Variants in KIRREL3 observed in about 807,000 individuals in gnomAD.
KIRREL3 encodes the protein kirre like nephrin family adhesion molecule 3.
In KIRREL3, 36 loss-of-function variants were observed where a neutral mutation model predicts 89.7. The observed-to-expected ratio is 0.40, with a 90% confidence interval of 0.31 to 0.53. The LOEUF (loss-of-function observed/expected upper bound fraction) is 0.53, where lower values mean the gene tolerates loss of function less well. KIRREL3 is among the 20% of genes least tolerant of loss of function. KIRREL3 has a pLI of 0.49. For synonymous variants in KIRREL3, 445 were observed against 441.4 expected (o/e 1.01, Z -0.10); for missense variants, 864 against 1,056.6 (o/e 0.82, Z 2.53).
intron 1 of KIRREL3, among the ~76,000 whole-genome samples, chr11:126,577,850 G>A (rs1941341009): frequency 6.6e-6 from 1 of 152,056 alleles, no homozygotes; most frequent in Non-Finnish European, 1.5e-5. Flanking sequence ...GAGAAGCTGT[G>A]TGAAACTGCC....
chr11:126,958,503 G>A lies in KIRREL3; in HGVS notation c.55+41952C>T, dbSNP rs1410847366. On this transcript the variant is annotated intron_variant, in intron 1 of 16. Coordinates refer to ENST00000525144, the MANE Select transcript of KIRREL3 (RefSeq NM_032531.4). The stretch of plus-strand genomic sequence containing the variant: ...TGACATTCAGCCACACTCAGCACTT[G>A]GGTCAGCCCCATCCCTACCTGGGTG... Among the ~76,000 whole-genome samples, 5 of 152,284 alleles carry A rather than the reference G, an allele frequency of 3.3e-5. No individual in the cohort carries two copies. The Middle Eastern group carries it at 0.014, about 414-fold the overall frequency.
chr11:126,547,382 C>T (rs1056438857), intron 2 of KIRREL3, among the ~76,000 whole-genome samples: 1 of 152,246 alleles, frequency 6.6e-6, no homozygotes, highest in African/African-American at 2.4e-5. Context: ...CTTCTCCCCA[C>T]CGTGTCTAAT....
intron 2 of KIRREL3, among the ~76,000 whole-genome samples, chr11:126,532,681 GATC>G (rs1958980198): frequency 2.1e-5 from 1 of 47,388 alleles, no homozygotes; most frequent in Admixed American, 2.0e-4. Context: ...TGGCCCAGAT[GATC>G]TAAAGGGAGG....
rs1951606025 is a variant in KIRREL3, at chr11:126,817,307, A to C, written c.55+183148T>G. Reference sequence around the variant, plus strand: ...TTTGCCTGAGTCAGAATGAGTTTCCAAGGAAAGAGGATGCAGTGTACCACA... The same window carrying C: ...TTTGCCTGAGTCAGAATGAGTTTCCCAGGAAAGAGGATGCAGTGTACCACA... On this transcript the variant is annotated intron_variant, in intron 1 of 16. Coordinates refer to ENST00000525144, the MANE Select transcript of KIRREL3 (RefSeq NM_032531.4). The surrounding 1 kb of genome is among the most constrained non-coding windows in gnomAD (Gnocchi z 5.7). Among the ~76,000 whole-genome samples the C allele has an allele frequency of 6.6e-6, 1 of 152,202 alleles. No homozygotes were observed. Among genetic ancestry groups the C allele is most frequent in the African/African-American group, 2.4e-5 (1 of 41,452 alleles).
At chr11:126,602,283 G>T (rs1037617775) in intron 1 of KIRREL3, among the ~76,000 whole-genome samples, 1 of 152,124 alleles carries the variant, frequency 6.6e-6, no homozygotes, top group African/African-American at 2.4e-5. Flanking sequence ...TGGGTCTTGG[G>T]GTTATGGAGC....
intron 2 of KIRREL3, among the ~76,000 whole-genome samples, chr11:126,538,657 C>T (rs1429869850): frequency 2.0e-5 from 3 of 152,090 alleles, no homozygotes; most frequent in Non-Finnish European, 4.4e-5. Context: ...CACTGACTGA[C>T]GGATAAAAAT....
At chr11:126,493,907 C>T (rs1420868757) in intron 4 of KIRREL3, among the ~76,000 whole-genome samples, 6 of 152,104 alleles carry the variant, frequency 3.9e-5, no homozygotes, top group Admixed American at 3.3e-4. Context: ...GGGTGCAGGC[C>T]GTCCAGCACC....
chr11:126,502,845 A>G (rs1820347395), intron 4 of KIRREL3, among the ~76,000 whole-genome samples: 1 of 152,194 alleles, frequency 6.6e-6, no homozygotes, highest in Admixed American at 6.5e-5. Context: ...TAATAACATC[A>G]ACATTTCACC....
intron 1 of KIRREL3, among the ~76,000 whole-genome samples, chr11:126,865,449 A>G (rs778393095): frequency 3.9e-5 from 6 of 152,224 alleles, no homozygotes; most frequent in Non-Finnish European, 7.3e-5. Context: ...ACTTTGGTAT[A>G]AGTCAGCAGA....
At chr11:126,602,680 C>A (rs1308547730) in intron 1 of KIRREL3, among the ~76,000 whole-genome samples, 1 of 152,200 alleles carries the variant, frequency 6.6e-6, no homozygotes, top group Non-Finnish European at 1.5e-5. Context: ...CCTGCCCCAG[C>A]TGTGGATCCG....
chr11:126,725,321 T>C (rs1948334883), intron 1 of KIRREL3, among the ~76,000 whole-genome samples: 1 of 144,236 alleles, frequency 6.9e-6, no homozygotes, highest in African/African-American at 2.6e-5. Flanking sequence ...TCTGGCAGAG[T>C]GCGCTATCAG....
intron 1 of KIRREL3, among the ~76,000 whole-genome samples, chr11:126,929,820 C>T (rs1947864274): frequency 6.6e-6 from 1 of 152,192 alleles, no homozygotes; most frequent in Non-Finnish European, 1.5e-5. Flanking sequence ...TAACTCAGCC[C>T]AGAAAAATGC....
At position 126,724,384 on chromosome 11, in the gene KIRREL3, C is replaced by A. The variant is rs1948295167; in HGVS notation, c.56-161472G>T. ...ACACCCACACACATGCACATGCAGA[C>A]TTATTGTCATAGCTTGTATCTCTTA... On this transcript the variant is annotated intron_variant, in intron 1 of 16. Coordinates refer to ENST00000525144, the MANE Select transcript of KIRREL3 (RefSeq NM_032531.4). This position sits in a 1 kb window ranked among gnomAD's most constrained non-coding sequence, Gnocchi z 4.3. 6.6e-6 allele frequency among the ~76,000 whole-genome samples: 1 copy of A among 152,174 alleles called. No individual in the cohort carries two copies. Among genetic ancestry groups the A allele is most frequent in the South Asian group, 2.1e-4 (1 of 4,826 alleles).
chr11:126,509,157 C>T (rs1364932217), intron 4 of KIRREL3, among the ~76,000 whole-genome samples: 1 of 152,142 alleles, frequency 6.6e-6, no homozygotes, highest in Non-Finnish European at 1.5e-5. Context: ...CTCTGATGAA[C>T]CCCCCAGCTT....
intron 1 of KIRREL3, among the ~76,000 whole-genome samples, chr11:126,762,477 C>A (rs764045169): frequency 1.4e-4 from 21 of 152,210 alleles, no homozygotes; most frequent in Non-Finnish European, 2.8e-4. Context: ...GCACTTCATT[C>A]CCCAGCCTCC....
At chr11:126,470,349 G>A (rs1474677377) in intron 5 of KIRREL3, among the ~76,000 whole-genome samples, 1 of 152,166 alleles carries the variant, frequency 6.6e-6, no homozygotes, top group Admixed American at 6.5e-5. Context: ...AGGACAGGGT[G>A]GCTTCAGCCC....
At position 126,954,841 on chromosome 11, in the gene KIRREL3, C is replaced by T. The variant is rs78016155; in HGVS notation, c.55+45614G>A. On this transcript the variant is annotated intron_variant, in intron 1 of 16. Transcript: ENST00000525144. The surrounding 1 kb of genome is among the most constrained non-coding windows in gnomAD (Gnocchi z 4.1). ...GAAATTTATCTCCTGGAGTGTTCAC[C>T]TATCATCATACGGCAAGCAGCAGCT... Among the ~76,000 whole-genome samples, 256 of 152,236 alleles carry T rather than the reference C, an allele frequency of 1.7e-3. 1 individual carries two copies. The highest frequency in any genetic ancestry group is 6.0e-3 in the African/African-American group (250 of 41,534).
At position 126,668,736 on chromosome 11, in the gene KIRREL3, TC is replaced by T. The variant is rs1407639726; in HGVS notation, c.56-105825del. On this transcript the variant is annotated intron_variant, in intron 1 of 16. Coordinates refer to ENST00000525144, the MANE Select transcript of KIRREL3 (RefSeq NM_032531.4). The surrounding 1 kb of genome is among the most constrained non-coding windows in gnomAD (Gnocchi z 4.4). ...TTCTTTCTTTCTTTCTTTCTTTCTT[TC>T]TTTCTTTCTTTCTTTCTTTTTTCTC... is the stretch of plus-strand genomic sequence containing the variant. Among the ~76,000 whole-genome samples, 2 of 112,064 alleles carry T rather than the reference TC, an allele frequency of 1.8e-5. No homozygotes were observed. The highest frequency in any genetic ancestry group is 4.0e-4 in the South Asian group (1 of 2,520). 73.5% of individuals were successfully genotyped at this position (112,064 alleles called of 152,430 possible).
At position 126,682,553 on chromosome 11, in the gene KIRREL3, C is replaced by T. The variant is rs1258454388; in HGVS notation, c.56-119641G>A. 6.6e-6 allele frequency among the ~76,000 whole-genome samples: 1 copy of T among 152,108 alleles called. No homozygotes were observed. Among genetic ancestry groups the T allele is most frequent in the East Asian group, 1.9e-4 (1 of 5,188 alleles). ...TTGTCAATTTTTTAAAGACAGTGGT[C>T]CCCAGCATTTTTGGCACCAGGGACA... On this transcript the variant is annotated intron_variant, in intron 1 of 16. Transcript: ENST00000525144. This position sits in a 1 kb window ranked among gnomAD's most constrained non-coding sequence, Gnocchi z 4.8.
Sources: allele counts gnomAD v4.1 joint callset (sites outside exome capture counted in the v4.1 genomes callset), GRCh38; gene constraint gnomAD v4.1.1; non-coding constraint Gnocchi (gnomAD v3.1); transcripts MANE v1.5; gene names NCBI Gene and HGNC (gene_info 2026-07-23, HGNC 2026-07-21).